CDH4: variants seen among roughly 807,000 people sequenced by gnomAD.
The protein encoded by CDH4 is cadherin-4.
CDH4 carries 33 observed loss-of-function variants against 86.0 expected under a neutral mutation model. The observed-to-expected ratio is 0.38, with a 90% confidence interval of 0.29 to 0.51. CDH4 has a LOEUF of 0.51. Ranked by LOEUF, CDH4 falls within the 20% of genes least tolerant of loss-of-function variation. The pLI is 0.86. For missense variants in CDH4, 1,114 were observed against 1,307.4 expected, an observed-to-expected ratio of 0.85 and a Z score of 2.28; for synonymous variants, 555 against 549.4, an observed-to-expected ratio of 1.01 and a Z score of -0.14.
intron 2 of CDH4, among the ~76,000 whole-genome samples, chr20:61,371,107 CA>C (rs1250751658): frequency 6.6e-6 from 1 of 152,210 alleles, no homozygotes; most frequent in Admixed American, 6.5e-5. Flanking sequence ...TTGGAGCGAG[CA>C]GGCTGGGCAC....
In CDH4 at chr20:61,313,461, G is replaced by A. The variant is rs542138642; in HGVS notation, c.169+58524G>A. ...TTCACCATTGAGTCGCCCTTGGCACGCTTTGTTTTTCATCTAAACAAACCC... is the reference window on the plus strand; with the variant it reads ...TTCACCATTGAGTCGCCCTTGGCACACTTTGTTTTTCATCTAAACAAACCC... On this transcript the variant is annotated intron_variant, in intron 2 of 15. Coordinates refer to ENST00000614565, the MANE Select transcript of CDH4 (RefSeq NM_001794.5). Among the ~76,000 whole-genome samples the A allele has an allele frequency of 5.9e-5, 9 of 152,286 alleles. No individual in the cohort carries two copies. The South Asian group carries it at 1.0e-3, about 18-fold the overall frequency.
In CDH4 at chr20:61,425,213, G is replaced by A. The variant is rs2085205233; in HGVS notation, c.169+170276G>A. ...GAGCTAGGTCCAGCCCGGCCCAGAG[G>A]CATGGCCAACCCTCACCCTGAGCAG... On this transcript the variant is annotated intron_variant, in intron 2 of 15. Transcript: ENST00000614565. Among the ~76,000 whole-genome samples the A allele has an allele frequency of 2.0e-5, 3 of 152,182 alleles. No individual in the cohort carries two copies. In the South Asian group the frequency reaches 6.2e-4, roughly 32 times the overall value.
intron 2 of CDH4, among the ~76,000 whole-genome samples, chr20:61,529,267 G>A (rs6121670): frequency 0.065 from 9,906 of 152,196 alleles, 414 homozygotes; most frequent in African/African-American, 0.1. Flanking sequence ...ATTTTATATT[G>A]CATCATTTAC....
At chr20:61,253,547 G>T (rs1251955542) in intron 1 of CDH4, among the ~76,000 whole-genome samples, 3 of 152,118 alleles carry the variant, frequency 2.0e-5, no homozygotes, top group African/African-American at 7.2e-5. Context: ...CCGCTCCGAG[G>T]CCGCGGGGCG....
At chr20:61,787,799 T>C (rs1450172728) in intron 4 of CDH4, among the ~76,000 whole-genome samples, 1 of 152,200 alleles carries the variant, frequency 6.6e-6, no homozygotes, top group Non-Finnish European at 1.5e-5. Context: ...ATCATGGGGA[T>C]ATCGAGGGGA....
At chr20:61,443,309 T>C (rs1404760024) in intron 2 of CDH4, among the ~76,000 whole-genome samples, 5 of 152,226 alleles carry the variant, frequency 3.3e-5, no homozygotes, top group Non-Finnish European at 7.3e-5. Context: ...AGCCCTGAAA[T>C]GTGGCTGCTA....
intron 2 of CDH4, among the ~76,000 whole-genome samples, chr20:61,543,882 C>T (rs1468815301): frequency 6.6e-6 from 1 of 152,232 alleles, no homozygotes; most frequent in African/African-American, 2.4e-5. Context: ...TGGCCCTCCT[C>T]CCAGGACCCT....
At chr20:61,515,882 C>T (rs1001875989) in intron 2 of CDH4, among the ~76,000 whole-genome samples, 1 of 152,204 alleles carries the variant, frequency 6.6e-6, no homozygotes, top group Non-Finnish European at 1.5e-5. Context: ...CGCTCGCTCT[C>T]TGTTTCCCGC....
chr20:61,393,417 A>C lies in CDH4; in HGVS notation c.169+138480A>C, dbSNP rs1482892052. Among the ~76,000 whole-genome samples, 2 of 148,694 alleles carry C rather than the reference A, an allele frequency of 1.3e-5. No individual in the cohort carries two copies. The highest frequency in any genetic ancestry group is 5.2e-5 in the African/African-American group (2 of 38,356). On this transcript the variant is annotated intron_variant, in intron 2 of 15. Coordinates refer to ENST00000614565, the MANE Select transcript of CDH4 (RefSeq NM_001794.5). The surrounding 1 kb of genome is among the most constrained non-coding windows in gnomAD (Gnocchi z 4.3). ...ACCACCAGCCCCTCTGATGTCGAGG[A>C]CCCCCAGGGATTGGCAAAATTAAAC...
intron 9 of CDH4, among the ~76,000 whole-genome samples, chr20:61,917,439 C>T (rs2427242): frequency 0.78 from 118,750 of 152,266 alleles, 47,733 homozygotes; most frequent in Non-Finnish European, 0.88. Context: ...GAACCGGCCT[C>T]TGCCACTTCC....
rs547246787 is a variant in CDH4, at chr20:61,535,414, G to C, written c.170-208149G>C. 6.4e-3 allele frequency among the ~76,000 whole-genome samples: 973 copies of C among 152,328 alleles called. 7 individuals are homozygous for C. Among genetic ancestry groups the C allele is most frequent in the South Asian group, 0.017 (80 of 4,826 alleles). ...CGGAACAAGGAAGGGCCTGGCTCTT[G>C]GAAAACCCAGGTCCATTTGTCGAGG... On this transcript the variant is annotated intron_variant, in intron 2 of 15. Coordinates refer to ENST00000614565, the MANE Select transcript of CDH4 (RefSeq NM_001794.5).
chr20:61,907,346 G>C (rs2054801010), intron 8 of CDH4, among the ~76,000 whole-genome samples: 1 of 152,142 alleles, frequency 6.6e-6, no homozygotes, highest in Non-Finnish European at 1.5e-5. Flanking sequence ...CTCTGCCCGG[G>C]GCCTGGCCGC....
At chr20:61,706,478 T>C in intron 2 of CDH4, among the ~76,000 whole-genome samples, 1 of 152,126 alleles carries the variant, frequency 6.6e-6, no homozygotes, top group Admixed American at 6.5e-5. Context: ...GAAAAGGCTG[T>C]AGCCAAAGGC....
intron 7 of CDH4, among the ~76,000 whole-genome samples, chr20:61,875,174 C>T (rs1193504937): frequency 1.3e-5 from 2 of 152,222 alleles, no homozygotes; most frequent in African/African-American, 4.8e-5. Flanking sequence ...ACCTGCAGTG[C>T]TGTCTTCATC....
intron 7 of CDH4, among the ~76,000 whole-genome samples, chr20:61,890,953 G>A (rs1600742422): frequency 6.6e-6 from 1 of 152,098 alleles, no homozygotes; most frequent in Non-Finnish European, 1.5e-5. Context: ...TGTGGGCAGG[G>A]TTGTGGCTGT....
At chr20:61,471,634 A>G (rs1954613) in intron 2 of CDH4, among the ~76,000 whole-genome samples, 52,521 of 151,730 alleles carry the variant, frequency 0.35, 11,074 homozygotes, top group Admixed American at 0.49. Context: ...CTTTGTTGAT[A>G]TAGGTGCTTA....
In CDH4 at chr20:61,516,619, G is replaced by A. The variant is rs1313804312; in HGVS notation, c.170-226944G>A. On this transcript the variant is annotated intron_variant, in intron 2 of 15. Transcript: ENST00000614565. This position sits in a 1 kb window ranked among gnomAD's most constrained non-coding sequence, Gnocchi z 4.0. ...AAGGTCATCTGGCAGAAAGCTCAGT[G>A]GCTGAGCTATTTTAAAGCAAAGTAT... 6.6e-6 allele frequency among the ~76,000 whole-genome samples: 1 copy of A among 152,186 alleles called. No individual in the cohort carries two copies. The highest frequency in any genetic ancestry group is 1.5e-5 in the Non-Finnish European group (1 of 68,038).
intron 7 of CDH4, among the ~76,000 whole-genome samples, chr20:61,881,371 C>G (rs1342007211): frequency 6.6e-6 from 1 of 152,188 alleles, no homozygotes; most frequent in Non-Finnish European, 1.5e-5. Flanking sequence ...AGTGTGGTCC[C>G]GGGCAGGGCT....
At chr20:61,629,616 A>C (rs2145785955) in intron 2 of CDH4, among the ~76,000 whole-genome samples, 1 of 152,316 alleles carries the variant, frequency 6.6e-6, no homozygotes, top group East Asian at 1.9e-4. Flanking sequence ...TGACAGGGAA[A>C]CCTGTTAGTA....
Sources: allele counts gnomAD v4.1 joint callset (sites outside exome capture counted in the v4.1 genomes callset), GRCh38; gene constraint gnomAD v4.1.1; non-coding constraint Gnocchi (gnomAD v3.1); transcripts MANE v1.5; gene names NCBI Gene and HGNC (gene_info 2026-07-23, HGNC 2026-07-21).